RRM2: variants seen among roughly 807,000 people sequenced by gnomAD.
RRM2 encodes the protein ribonucleotide reductase regulatory subunit M2.
RRM2 carries 6 observed loss-of-function variants against 45.9 expected under a neutral mutation model. That is an observed-to-expected ratio of 0.13 (90% CI 0.07 to 0.26). The LOEUF is 0.26. Ranked by LOEUF, RRM2 falls within the 10% of genes least tolerant of loss-of-function variation. The pLI is 1.00. For missense variants in RRM2, 343 were observed against 489.5 expected (o/e 0.70, Z 2.82); for synonymous variants, 177 against 173.0 (o/e 1.02, Z -0.18).
At chr2:10,176,203 T>C (rs535542280) in intron 3 of RRM2, among the ~76,000 whole-genome samples, 2 of 152,328 alleles carry the variant, frequency 1.3e-5, no homozygotes, top group South Asian at 4.1e-4. Context: ...TTCAAGACCC[T>C]GTTTTCAGTT....
intron 3 of RRM2, among the ~76,000 whole-genome samples, chr2:10,143,296 C>T (rs62129887): frequency 0.061 from 9,356 of 152,314 alleles, 363 homozygotes; most frequent in Middle Eastern, 0.12. Context: ...TTACAGGTCA[C>T]TTTCCCTGGG....
At chr2:10,141,895 C>A (rs761780349) in exon 2 of RRM2, 3 of 1,573,558 alleles carry the variant, frequency 1.9e-6, no homozygotes, top group Non-Finnish European at 1.7e-6. Flanking sequence ...GGAGTCCAGG[C>A]CCTCGGGGAG....
Position 10,199,779 on chromosome 2 carries a change from C to CAAAAAAAAAAAAA in RRM2, n.483-10514_483-10502dup, listed in dbSNP as rs796262395. Among the ~76,000 whole-genome samples the CAAAAAAAAAAAAA allele has an allele frequency of 2.9e-3, 41 of 14,282 alleles. 2 individuals carry two copies. The highest frequency in any genetic ancestry group is 6.3e-3 in the African/African-American group (34 of 5,378). The allele number at this position is 14,282 out of a possible 152,430, so 9.4% of individuals were successfully genotyped here. On this transcript the variant is annotated intron_variant and non_coding_transcript_variant, in intron 3 of 3. Transcript: ENST00000381786. ...TGGGTGACAGAGTGAGACTCAGTCT[C>CAAAAAAAAAAAAA]AAAAAAAAAAAAAAAAAAAAAAAAA...
At chr2:10,151,036 AACCCCTG>A (rs1374291999) in intron 3 of RRM2, among the ~76,000 whole-genome samples, 8 of 152,066 alleles carry the variant, frequency 5.3e-5, no homozygotes, top group Admixed American at 1.3e-4. Context: ...GCTGGTCTCA[AACCCCTG>A]ACCTCAGGTG....
At chr2:10,189,520 C>T (rs1401805670) in intron 3 of RRM2, among the ~76,000 whole-genome samples, 1 of 152,222 alleles carries the variant, frequency 6.6e-6, no homozygotes, top group South Asian at 2.1e-4. Context: ...AGCAGCCTGC[C>T]CCTTGCTGGG....
chr2:10,144,547 A>G (rs12692399), intron 3 of RRM2, among the ~76,000 whole-genome samples: 96,792 of 152,004 alleles, frequency 0.64, 31,387 homozygotes, highest in African/African-American at 0.7. Context: ...TCCCAAACAC[A>G]TGTGACCTCA....
At chr2:10,156,726 C>T (rs902772585) in intron 3 of RRM2, among the ~76,000 whole-genome samples, 7 of 152,244 alleles carry the variant, frequency 4.6e-5, no homozygotes, top group Admixed American at 1.3e-4. Flanking sequence ...GTAACTTCCG[C>T]CTCCTGGGCT....
Position 10,175,590 on chromosome 2 carries a change from TA to T in RRM2, n.482+33224del, listed in dbSNP as rs201782273. ...CATCCTACCTTCTGTTCATATGAAT[TA>T]AAAAAAAATTTTATTTTAGTTTTTG... On this transcript the variant is annotated intron_variant and non_coding_transcript_variant, in intron 3 of 3. Coordinates refer to the RRM2 transcript ENST00000381786. Among the ~76,000 whole-genome samples, 1,435 of 152,058 alleles carry T rather than the reference TA, an allele frequency of 9.4e-3. 25 individuals carry two copies. The highest frequency in any genetic ancestry group is 0.033 in the African/African-American group (1,371 of 41,466).
At chr2:10,150,787 T>TC (rs1558389039) in intron 3 of RRM2, among the ~76,000 whole-genome samples, 2 of 148,062 alleles carry the variant, frequency 1.4e-5, no homozygotes, top group Non-Finnish European at 3.0e-5. Context: ...TTTTTTTTTT[T>TC]TTTGATGTGG....
intron 3 of RRM2, among the ~76,000 whole-genome samples, chr2:10,167,084 G>A (rs1036432500): frequency 7.9e-5 from 12 of 152,172 alleles, no homozygotes; most frequent in Non-Finnish European, 1.3e-4. Flanking sequence ...TCAGGCATGT[G>A]ACACCTGTCA....
intron 3 of RRM2, among the ~76,000 whole-genome samples, chr2:10,181,737 G>GCTCTCT (rs777161408): frequency 5.6e-5 from 7 of 125,040 alleles, no homozygotes; most frequent in African/African-American, 2.0e-4. Flanking sequence ...AGACTGCACA[G>GCTCTCT]CTCTCTCTCT....
chr2:10,175,667 G>A (rs1019685020), intron 3 of RRM2, among the ~76,000 whole-genome samples: 4 of 152,140 alleles, frequency 2.6e-5, no homozygotes, highest in South Asian at 2.1e-4. Context: ...GCGCAATCTC[G>A]GCTTACGGCA....
intron 3 of RRM2, among the ~76,000 whole-genome samples, chr2:10,200,161 C>A (rs1664516783): frequency 1.3e-5 from 2 of 152,094 alleles, no homozygotes; most frequent in Admixed American, 1.3e-4. Context: ...TAAGGTGCAG[C>A]AAGAATAATT....
At chr2:10,126,778 G>T in intron 5 of RRM2, 97 bp from the exon 6 acceptor site, 1 of 840,802 alleles carries the variant, frequency 1.2e-6, no homozygotes. Flanking sequence ...GCAAATACTT[G>T]AATTTGGCCT....
chr2:10,147,269 A>G (rs1663205412), intron 3 of RRM2, among the ~76,000 whole-genome samples: 2 of 151,172 alleles, frequency 1.3e-5, no homozygotes, highest in South Asian at 2.1e-4. Flanking sequence ...TTATTTAAAG[A>G]TAAGGGTTTT....
chr2:10,124,928 G>A, intron 5 of RRM2, 78 bp downstream of exon 5: 2 of 1,344,022 alleles, frequency 1.5e-6, no homozygotes, highest in Non-Finnish European at 2.1e-6. Flanking sequence ...GTTCACCTAG[G>A]GATAAAAATG....
intron 3 of RRM2, among the ~76,000 whole-genome samples, chr2:10,143,910 C>T (rs1338630015): frequency 1.3e-5 from 2 of 152,208 alleles, no homozygotes. Flanking sequence ...TTGTGATCCG[C>T]CCGCCTTGGC....
downstream of RRM2, among the ~76,000 whole-genome samples, chr2:10,131,852 G>A (rs544983870): frequency 1.3e-5 from 2 of 152,242 alleles, no homozygotes; most frequent in Non-Finnish European, 2.9e-5. Flanking sequence ...AGGTACACCC[G>A]AAAGGTGGTG....
chr2:10,190,472 G>C (rs993552967), intron 3 of RRM2, among the ~76,000 whole-genome samples: 1 of 149,808 alleles, frequency 6.7e-6, no homozygotes, highest in African/African-American at 2.5e-5. Flanking sequence ...TGATGGTGAT[G>C]GTGGTGGCGA....
Sources: allele counts gnomAD v4.1 joint callset (sites outside exome capture counted in the v4.1 genomes callset), GRCh38; gene constraint gnomAD v4.1.1; transcripts MANE v1.5; gene names NCBI Gene and HGNC (gene_info 2026-07-23, HGNC 2026-07-21).